The following TMEM185A variants were observed in gnomAD, a reference collection of about 807,000 sequenced individuals.
TMEM185A encodes family with sequence similarity 11, member A.
In TMEM185A, 9 loss-of-function variants were observed where a neutral mutation model predicts 25.0. The ratio of observed to expected loss-of-function variants is 0.36; its 90% confidence interval spans 0.22 to 0.63. The LOEUF (loss-of-function observed/expected upper bound fraction) is 0.63, where lower values mean the gene tolerates loss of function less well. TMEM185A is among the 20% of genes least tolerant of loss of function. The probability of loss-of-function intolerance (pLI) is 0.68; values close to 1 mark genes in which losing one functional copy is unlikely to be tolerated. For missense variants in TMEM185A, 103 were observed against 237.4 expected, an observed-to-expected ratio of 0.43 and a Z score of 3.72; for synonymous variants, 45 against 93.5, an observed-to-expected ratio of 0.48 and a Z score of 2.99.
chrX:149,604,807 G>A (rs2090037727), intron 3 of TMEM185A, among the ~76,000 whole-genome samples: 1 of 111,126 alleles, frequency 9.0e-6, no homozygotes, highest in South Asian at 3.9e-4. Flanking sequence ...CCGGGAGGCA[G>A]CAAAAACACT....
chrX:149,608,893 C>T, intron 2 of TMEM185A, 59 bp from the exon 3 acceptor site: 1 of 995,926 alleles, frequency 1.0e-6, no homozygotes. Flanking sequence ...TATAAGCAAG[C>T]AGTTCAGGGC....
intron 1 of TMEM185A, among the ~76,000 whole-genome samples, chrX:149,631,003 A>G (rs1557356550): frequency 9.0e-6 from 1 of 111,212 alleles, no homozygotes; most frequent in East Asian, 2.8e-4. Flanking sequence ...AGGTATTGCC[A>G]TACCCCGACA....
chrX:149,621,147 A>G (rs184982917), intron 1 of TMEM185A, among the ~76,000 whole-genome samples: 108 of 111,705 alleles, frequency 9.7e-4, no homozygotes, highest in African/African-American at 3.0e-3. Context: ...CAGGATTCAT[A>G]TGTAAATTAG....
intron 3 of TMEM185A, among the ~76,000 whole-genome samples, chrX:149,604,731 T>C (rs1031431907): frequency 4.5e-5 from 5 of 111,505 alleles, no homozygotes; most frequent in Admixed American, 1.9e-4. Context: ...CATTCCCAGC[T>C]TCCTTGTGAT....
chrX:149,608,238 T>C (rs1249841001), intron 3 of TMEM185A, among the ~76,000 whole-genome samples: 3 of 112,111 alleles, frequency 2.7e-5, no homozygotes, highest in Non-Finnish European at 5.6e-5. Flanking sequence ...TGTTGTCTCA[T>C]GATGTAGAGT....
At chrX:149,629,448 A>G (rs2090180333) in intron 1 of TMEM185A, among the ~76,000 whole-genome samples, 1 of 111,795 alleles carries the variant, frequency 8.9e-6, no homozygotes, top group South Asian at 3.7e-4. Context: ...AGGAGTGCTC[A>G]GGAGAGGTGA....
chrX:149,621,838 T>C (rs1195746099), intron 1 of TMEM185A, among the ~76,000 whole-genome samples: 2 of 112,055 alleles, frequency 1.8e-5, no homozygotes, highest in African/African-American at 3.2e-5. Flanking sequence ...CCCTCTTCTA[T>C]ATTTAAGGGC....
chrX:149,609,556 C>A (rs1430006463), intron 2 of TMEM185A, among the ~76,000 whole-genome samples: 1 of 112,577 alleles, frequency 8.9e-6, no homozygotes, highest in Admixed American at 9.4e-5. Context: ...AATGGTAAGG[C>A]CGCTAATCAG....
intron 2 of TMEM185A, among the ~76,000 whole-genome samples, chrX:149,610,156 C>T (rs181437123): frequency 0.011 from 1,231 of 110,605 alleles, 8 homozygotes; most frequent in Non-Finnish European, 0.018. Flanking sequence ...AGTGGCCGGA[C>T]GTGGTGGCTC....
intron 3 of TMEM185A, chrX:149,608,384 G>A (rs1460210065): frequency 7.1e-6 from 2 of 283,248 alleles, no homozygotes; most frequent in Non-Finnish European, 1.2e-5. Flanking sequence ...AGGCTGGAGT[G>A]CAATGGTTCA....
intron 1 of TMEM185A, among the ~76,000 whole-genome samples, chrX:149,622,943 T>C (rs1001005785): frequency 8.9e-6 from 1 of 112,436 alleles, no homozygotes; most frequent in Non-Finnish European, 1.9e-5. Flanking sequence ...CGTGATACTG[T>C]GATGCAAGCA....
chrX:149,631,767 G>GCCA lies in TMEM185A; in HGVS notation c.-188_-187insTGG, dbSNP rs1415103369. On this transcript the variant is annotated 5_prime_UTR_variant, in exon 1 of 7. Transcript: ENST00000600449. Reference sequence around the variant, plus strand: ...CGCCGCCGCCGCCGCCGCCGCCGCCGCCGCCGCCGCCGCCCGGAGAAACCT... The same window carrying GCCA: ...CGCCGCCGCCGCCGCCGCCGCCGCCGCCACCGCCGCCGCCGCCCGGAGAAACCT... The GCCA allele has an allele frequency of 2.2e-5, 2 of 89,271 alleles. No homozygotes were observed. Among genetic ancestry groups the GCCA allele is most frequent in the African/African-American group, 1.3e-4 (1 of 7,573 alleles). 7.4% of individuals were successfully genotyped at this position (89,271 alleles called of 1,213,427 possible). A position where few individuals can be genotyped will look rare whatever the true frequency, so the allele number is the denominator to read the frequency against.
At chrX:149,605,128 C>G (rs1472153538) in intron 3 of TMEM185A, 4 of 112,958 alleles carry the variant, frequency 3.5e-5, no homozygotes, top group African/African-American at 1.3e-4. Flanking sequence ...GTTCTCACAT[C>G]TGTCTCCAAC....
intron 3 of TMEM185A, among the ~76,000 whole-genome samples, chrX:149,604,573 G>C (rs1297455485): frequency 9.0e-6 from 1 of 110,583 alleles, no homozygotes; most frequent in Non-Finnish European, 1.9e-5. Flanking sequence ...ATCCCTCCTA[G>C]CAGCACAGAA....
At position 149,611,271 on chromosome X, in the gene TMEM185A, T is replaced by C. The variant is rs782303784; in HGVS notation, c.215+16A>G. ...CCTCATGCTAGAGACCAATGGGTTG[T>C]ATAAAGCAGTATTACCGATATTGAG... On this transcript the variant is annotated intron_variant, in intron 2 of 6. Coordinates refer to ENST00000600449, the MANE Select transcript of TMEM185A (RefSeq NM_032508.4). The C allele has an allele frequency of 6.7e-6, 8 of 1,196,574 alleles. No homozygotes were observed. The Admixed American group carries it at 1.8e-4, about 27-fold the overall frequency.
chrX:149,631,666 C>G lies in TMEM185A; in HGVS notation c.-86G>C. ...TGCGCCTTACAGCGGGTTCATGGCGCCAGCGCCAGCCGCGTCCACGCTGCT... is the reference window on the plus strand; with the variant it reads ...TGCGCCTTACAGCGGGTTCATGGCGGCAGCGCCAGCCGCGTCCACGCTGCT... On this transcript the variant is annotated 5_prime_UTR_variant, in exon 1 of 7. Transcript: ENST00000600449. 1.1e-6 allele frequency: 1 copy of G among 942,096 alleles called. No homozygotes were observed. Among genetic ancestry groups the G allele is most frequent in the Non-Finnish European group, 1.4e-6 (1 of 703,126 alleles). The allele number at this position is 942,096 out of a possible 1,213,427, so 77.6% of individuals were successfully genotyped here. A position where few individuals can be genotyped will look rare whatever the true frequency, so the allele number is the denominator to read the frequency against.
At chrX:149,599,287 G>A (rs2090007206) in intron 6 of TMEM185A, among the ~76,000 whole-genome samples, 1 of 96,704 alleles carries the variant, frequency 1.0e-5, no homozygotes, top group African/African-American at 4.3e-5. Context: ...CGGGATCTCT[G>A]AGAGGTTGCC....
At chrX:149,622,828 G>C (rs1312937371) in intron 1 of TMEM185A, among the ~76,000 whole-genome samples, 2 of 111,619 alleles carry the variant, frequency 1.8e-5, no homozygotes, top group Non-Finnish European at 3.8e-5. Flanking sequence ...CAACAAGTTG[G>C]GAATAAGGAA....
At chrX:149,617,893 T>C (rs927734053) in intron 1 of TMEM185A, among the ~76,000 whole-genome samples, 38 of 112,042 alleles carry the variant, frequency 3.4e-4, no homozygotes, top group African/African-American at 1.2e-3. Flanking sequence ...GAATCTAAAA[T>C]GCACTATAAG....
Sources: gnomAD v4.1 joint callset for allele counts (sites outside exome capture counted in the v4.1 genomes callset) on GRCh38, gnomAD v4.1.1 for gene constraint, MANE v1.5 for transcripts, NCBI Gene and HGNC (gene_info 2026-07-23, HGNC 2026-07-21) for gene names.